Variants in PDE4D observed in about 807,000 individuals in gnomAD.
PDE4D encodes phosphodiesterase 4D.
PDE4D carries 24 observed loss-of-function variants against 87.4 expected under a neutral mutation model. The observed-to-expected ratio is 0.27, with a 90% CI of 0.20 to 0.39. The LOEUF is 0.39. Among genes scored for constraint, PDE4D ranks in the 10% least tolerant of loss-of-function variants. The pLI is 1.00. For missense variants in PDE4D, 714 were observed against 1,041.0 expected (o/e 0.69, Z 4.32); for synonymous variants, 384 against 383.2 (o/e 1.00, Z -0.02).
chr5:59,471,627 A>T (rs1241732625), intron 1 of PDE4D, among the ~76,000 whole-genome samples: 1 of 152,188 alleles, frequency 6.6e-6, no homozygotes, highest in African/African-American at 2.4e-5. Context: ...CACCCCTTCA[A>T]ATCAGATTAT....
At chr5:59,028,153 C>T (rs2153382305) in intron 6 of PDE4D, among the ~76,000 whole-genome samples, 1 of 152,114 alleles carries the variant, frequency 6.6e-6, no homozygotes, top group Non-Finnish European at 1.5e-5. Flanking sequence ...TTCAGATATT[C>T]TGACAAAAAT....
intron 2 of PDE4D, among the ~76,000 whole-genome samples, chr5:60,088,381 T>A (rs1181049949): frequency 6.6e-6 from 1 of 151,948 alleles, no homozygotes; most frequent in African/African-American, 2.4e-5. Flanking sequence ...AATTCTATAA[T>A]ACTATAATTA....
chr5:59,873,490 C>T (rs1377423897), intron 1 of PDE4D, among the ~76,000 whole-genome samples: 3 of 152,158 alleles, frequency 2.0e-5, no homozygotes, highest in Non-Finnish European at 4.4e-5. Context: ...TGGAAGGAGA[C>T]AATATGAGAG....
chr5:59,244,680 C>CTGTGTG (rs369829189), intron 1 of PDE4D, among the ~76,000 whole-genome samples: 2,806 of 119,948 alleles, frequency 0.023, 63 homozygotes, highest in Admixed American at 0.062. Flanking sequence ...GTGTGTGTGT[C>CTGTGTG]TGTGTGTGTG....
intron 2 of PDE4D, among the ~76,000 whole-genome samples, chr5:60,064,416 T>C (rs1019060488): frequency 2.0e-5 from 3 of 152,098 alleles, no homozygotes. Context: ...TAGCATCTTA[T>C]GCCTTTTTGT....
At chr5:59,847,857 A>G (rs1744092587) in intron 1 of PDE4D, among the ~76,000 whole-genome samples, 1 of 152,130 alleles carries the variant, frequency 6.6e-6, no homozygotes, top group Non-Finnish European at 1.5e-5. Context: ...CACTAAGATC[A>G]AATACTATTT....
At chr5:59,823,751 T>C (rs1457141045) in intron 1 of PDE4D, among the ~76,000 whole-genome samples, 1 of 151,454 alleles carries the variant, frequency 6.6e-6, no homozygotes, top group Admixed American at 6.6e-5. Flanking sequence ...TGATTTCCTC[T>C]CATACAACTC....
intron 5 of PDE4D, among the ~76,000 whole-genome samples, chr5:59,119,758 C>G (rs542738005): frequency 6.6e-6 from 1 of 152,162 alleles, no homozygotes; most frequent in Non-Finnish European, 1.5e-5. Flanking sequence ...CATTTCAATT[C>G]CACTACCTTT....
chr5:60,283,922 A>T (rs558505758), intron 1 of PDE4D, among the ~76,000 whole-genome samples: 19 of 152,234 alleles, frequency 1.2e-4, no homozygotes, highest in African/African-American at 4.6e-4. Flanking sequence ...GAAAAAAAAA[A>T]ACTGTCCCAT....
In PDE4D at chr5:59,703,988, G is replaced by A. The variant is rs529542776; in HGVS notation, c.455+189180C>T. ...AGAAAGAGGGAGAAAGTGAGAAAGTGAGACAGAGAAAGAGAGGGAGGCCAT... is the reference window on the plus strand; with the variant it reads ...AGAAAGAGGGAGAAAGTGAGAAAGTAAGACAGAGAAAGAGAGGGAGGCCAT... On this transcript the variant is annotated intron_variant, in intron 1 of 14. Coordinates refer to ENST00000340635, the MANE Select transcript of PDE4D (RefSeq NM_001104631.2). Among the ~76,000 whole-genome samples, 6 of 152,158 alleles carry A rather than the reference G, an allele frequency of 3.9e-5. No individual in the cohort carries two copies. The South Asian group carries it at 1.0e-3, about 26-fold the overall frequency.
intron 6 of PDE4D, among the ~76,000 whole-genome samples, chr5:59,006,781 C>T (rs13161623): frequency 0.1 from 15,343 of 152,058 alleles, 1,035 homozygotes; most frequent in Non-Finnish European, 0.13. Context: ...GCTGATGGAG[C>T]TGAACTGCTG....
chr5:59,313,409 T>G (rs1289244815), intron 1 of PDE4D, among the ~76,000 whole-genome samples: 1 of 152,120 alleles, frequency 6.6e-6, no homozygotes, highest in African/African-American at 2.4e-5. Flanking sequence ...CCACTTAATA[T>G]TTACCCAACA....
At chr5:59,398,824 A>G (rs539044823) in intron 1 of PDE4D, among the ~76,000 whole-genome samples, 6 of 119,678 alleles carry the variant, frequency 5.0e-5, no homozygotes, top group Non-Finnish European at 8.7e-5. Context: ...TTGTATATCT[A>G]GAAAACCCCA....
intron 11 of PDE4D, among the ~76,000 whole-genome samples, chr5:58,979,359 C>G (rs577963862): frequency 1.3e-5 from 2 of 152,236 alleles, no homozygotes; most frequent in East Asian, 3.9e-4. Context: ...ATAGCCTCTT[C>G]CATCTCAGAT....
At position 58,975,099 on chromosome 5, in the gene PDE4D, C is replaced by T; in HGVS notation, c.2014-19G>A. 7.0e-7 allele frequency: 1 copy of T among 1,437,610 alleles called. No individual in the cohort carries two copies. Among genetic ancestry groups the T allele is most frequent in the Non-Finnish European group, 9.2e-7 (1 of 1,082,916 alleles). 89.1% of individuals were successfully genotyped at this position (1,437,610 alleles called of 1,614,324 possible). ...AGCCCACCTAGTTAAGAAAAAAATC[C>T]AGTATGAGTAGAGGACTTGGGACTA... is the stretch of plus-strand genomic sequence containing the variant. On this transcript the variant is annotated intron_variant, in intron 14 of 14. Coordinates refer to ENST00000340635, the MANE Select transcript of PDE4D (RefSeq NM_001104631.2). This position sits in a 1 kb window ranked among gnomAD's most constrained non-coding sequence, Gnocchi z 4.2.
intron 1 of PDE4D, among the ~76,000 whole-genome samples, chr5:59,279,916 T>G (rs1765522021): frequency 6.6e-6 from 1 of 152,074 alleles, no homozygotes; most frequent in Non-Finnish European, 1.5e-5. Flanking sequence ...ATCCATCCTC[T>G]TTAGTTGTAC....
intron 6 of PDE4D, among the ~76,000 whole-genome samples, chr5:59,004,618 G>A (rs2153357055): frequency 6.6e-6 from 1 of 152,358 alleles, no homozygotes; most frequent in African/African-American, 2.4e-5. Context: ...ATTTGGTGTG[G>A]ATTAAAACCA....
chr5:59,055,467 G>T (rs1762197909), intron 5 of PDE4D, among the ~76,000 whole-genome samples: 2 of 152,010 alleles, frequency 1.3e-5, no homozygotes, highest in African/African-American at 4.8e-5. Flanking sequence ...TTCCCCTGTG[G>T]TTGACCTCAC....
intron 3 of PDE4D, among the ~76,000 whole-genome samples, chr5:59,929,904 T>G (rs934108396): frequency 1.3e-5 from 2 of 152,102 alleles, no homozygotes; most frequent in African/African-American, 4.8e-5. Context: ...GTTTGAGCAG[T>G]GCAATCACGT....
Sources: allele counts gnomAD v4.1 joint callset (sites outside exome capture counted in the v4.1 genomes callset), GRCh38; gene constraint gnomAD v4.1.1; non-coding constraint Gnocchi (gnomAD v3.1); transcripts MANE v1.5; gene names NCBI Gene and HGNC (gene_info 2026-07-23, HGNC 2026-07-21).